Variants in RPRD1B observed in about 807,000 individuals in gnomAD.
RPRD1B encodes the protein regulation of nuclear pre-mRNA domain-containing protein 1B.
A neutral mutation model predicts 41.5 loss-of-function variants in RPRD1B; 11 were observed. The observed-to-expected ratio is 0.27, with a 90% CI of 0.17 to 0.44. The LOEUF is 0.44. Ranked by LOEUF, RPRD1B falls within the 20% of genes least tolerant of loss-of-function variation. RPRD1B has a pLI of 1.00. For synonymous variants in RPRD1B, 158 were observed against 155.6 expected, an observed-to-expected ratio of 1.02 and a Z score of -0.12; for missense variants, 248 against 389.9, an observed-to-expected ratio of 0.64 and a Z score of 3.06.
chr20:38,042,641 A>G (rs566140358), intron 2 of RPRD1B, among the ~76,000 whole-genome samples: 12 of 152,266 alleles, frequency 7.9e-5, no homozygotes, highest in East Asian at 3.9e-4. Context: ...CATGTTTCCA[A>G]TCTCCTTTCT....
chr20:38,049,697 T>C, intron 3 of RPRD1B: 1 of 471,070 alleles, frequency 2.1e-6, no homozygotes, highest in South Asian at 1.5e-5. Context: ...TAAGATCAAA[T>C]GTTGTTTAGT....
intron 5 of RPRD1B, among the ~76,000 whole-genome samples, chr20:38,062,862 GTC>G (rs1367203918): frequency 8.8e-6 from 1 of 113,200 alleles, no homozygotes; most frequent in Non-Finnish European, 1.6e-5. Context: ...TTGAGATACA[GTC>G]TCATTCTGTC....
At position 38,060,052 on chromosome 20, in the gene RPRD1B, G is replaced by A. The variant is rs79813465; in HGVS notation, c.655+532G>A. 1.5e-3 allele frequency among the ~76,000 whole-genome samples: 235 copies of A among 152,244 alleles called. 1 individual carries two copies. The highest frequency in any genetic ancestry group is 8.2e-3 in the Admixed American group (125 of 15,302). Reference sequence around the variant, plus strand: ...TTGACACGATTCCTGCTTTCCTTATGGGAAATTGAAAGGAAGGAATGAAGC... The same window carrying A: ...TTGACACGATTCCTGCTTTCCTTATAGGAAATTGAAAGGAAGGAATGAAGC... On this transcript the variant is annotated intron_variant, in intron 5 of 6. Coordinates refer to ENST00000373433, the MANE Select transcript of RPRD1B (RefSeq NM_021215.4).
At chr20:38,087,316 G>A (rs1397715409) in intron 6 of RPRD1B, among the ~76,000 whole-genome samples, 2 of 152,210 alleles carry the variant, frequency 1.3e-5, no homozygotes, top group Admixed American at 6.5e-5. Context: ...TTAAGGTGGT[G>A]TCTAATTAGA....
intron 2 of RPRD1B, among the ~76,000 whole-genome samples, chr20:38,044,973 A>G (rs2074106838): frequency 1.3e-5 from 2 of 152,164 alleles, no homozygotes; most frequent in Admixed American, 1.3e-4. Flanking sequence ...AGTGCCATAG[A>G]ACTGTAGAGG....
At chr20:38,035,416 T>C (rs1268483554) in intron 1 of RPRD1B, among the ~76,000 whole-genome samples, 1 of 152,204 alleles carries the variant, frequency 6.6e-6, no homozygotes, top group Non-Finnish European at 1.5e-5. Context: ...GTGAGGAAAC[T>C]GAAGTGGCTA....
chr20:38,085,839 C>CTTTTTTTT (rs774430421), intron 6 of RPRD1B, among the ~76,000 whole-genome samples: 1 of 124,998 alleles, frequency 8.0e-6, no homozygotes, highest in Admixed American at 8.1e-5. Context: ...TGGAGTCAGT[C>CTTTTTTTT]TTTTTTTTTT....
chr20:38,067,267 G>C (rs886272635), intron 6 of RPRD1B, among the ~76,000 whole-genome samples: 12 of 152,160 alleles, frequency 7.9e-5, no homozygotes, highest in Admixed American at 7.9e-4. Context: ...TGCTGCCCCG[G>C]GCTGCTGCAC....
chr20:38,052,767 T>G (rs993500374), intron 3 of RPRD1B, among the ~76,000 whole-genome samples: 65 of 148,782 alleles, frequency 4.4e-4, no homozygotes, highest in African/African-American at 1.3e-3. Context: ...TTTTTTTTTT[T>G]TTTTTTTTTT....
intron 5 of RPRD1B, among the ~76,000 whole-genome samples, chr20:38,065,458 C>G (rs1229716489): frequency 6.6e-6 from 1 of 152,174 alleles, no homozygotes; most frequent in African/African-American, 2.4e-5. Context: ...TCCAAGGTTG[C>G]TCAAGGCCCT....
At chr20:38,085,192 C>T (rs6064029) in intron 6 of RPRD1B, among the ~76,000 whole-genome samples, 31,864 of 151,962 alleles carry the variant, frequency 0.21, 3,747 homozygotes, top group African/African-American at 0.33. Context: ...CTGGAGAGAG[C>T]GTTGTGCGCT....
At chr20:38,085,836 A>C (rs1162952850) in intron 6 of RPRD1B, among the ~76,000 whole-genome samples, 1 of 145,058 alleles carries the variant, frequency 6.9e-6, no homozygotes, top group African/African-American at 2.6e-5. Context: ...GTTTGGAGTC[A>C]GTCTTTTTTT....
chr20:38,038,743 C>T (rs962196936), intron 1 of RPRD1B, among the ~76,000 whole-genome samples: 2 of 152,184 alleles, frequency 1.3e-5, no homozygotes, highest in Non-Finnish European at 2.9e-5. Flanking sequence ...GGTGATCCAC[C>T]TGCCTTGGCC....
chr20:38,039,516 CA>C (rs1392008532), intron 1 of RPRD1B, among the ~76,000 whole-genome samples: 4 of 151,694 alleles, frequency 2.6e-5, no homozygotes, highest in Non-Finnish European at 5.9e-5. Flanking sequence ...GCGATTCTCC[CA>C]CCTCAGCCTC....
At chr20:38,064,433 A>G (rs995331881) in intron 5 of RPRD1B, among the ~76,000 whole-genome samples, 3 of 152,222 alleles carry the variant, frequency 2.0e-5, no homozygotes, top group African/African-American at 4.8e-5. Flanking sequence ...GCCTGTATCC[A>G]TAGGGAATGT....
intron 6 of RPRD1B, among the ~76,000 whole-genome samples, chr20:38,088,416 A>G (rs1183676477): frequency 5.3e-5 from 8 of 152,226 alleles, no homozygotes; most frequent in Non-Finnish European, 1.2e-4. Context: ...ACGGTCACAC[A>G]GCAGGTTAGA....
chr20:38,083,621 G>T (rs1568663212), intron 6 of RPRD1B, among the ~76,000 whole-genome samples: 1 of 152,186 alleles, frequency 6.6e-6, no homozygotes, highest in Non-Finnish European at 1.5e-5. Context: ...GGTTTAAGAA[G>T]CTCGCTCCCA....
chr20:38,079,205 T>C (rs998484454), intron 6 of RPRD1B, among the ~76,000 whole-genome samples: 7 of 152,138 alleles, frequency 4.6e-5, no homozygotes, highest in Admixed American at 3.3e-4. Context: ...TCACATGTTA[T>C]ATCCTAGGCA....
chr20:38,038,379 G>T lies in RPRD1B; in HGVS notation c.152-2056G>T, dbSNP rs181656240. The stretch of plus-strand genomic sequence containing the variant: ...GTGGGAGTGCAGTTGGCGCGATCTC[G>T]GCTCACTGCAACCTCCGCCTCCCAG... On this transcript the variant is annotated intron_variant, in intron 1 of 6. Transcript: ENST00000373433. 6.6e-3 allele frequency among the ~76,000 whole-genome samples: 991 copies of T among 150,510 alleles called. 6 individuals are homozygous for T. The highest frequency in any genetic ancestry group is 0.021 in the Middle Eastern group (6 of 290).
Sources: gnomAD v4.1 joint callset for allele counts (sites outside exome capture counted in the v4.1 genomes callset) on GRCh38, gnomAD v4.1.1 for gene constraint, MANE v1.5 for transcripts, NCBI Gene and HGNC (gene_info 2026-07-23, HGNC 2026-07-21) for gene names.